Variants in CDC14A observed in about 807,000 individuals in gnomAD.
CDC14A encodes the protein cell division cycle 14A, also known as dual specificity protein phosphatase CDC14A.
CDC14A carries 53 observed loss-of-function variants against 74.4 expected under a neutral mutation model. The ratio of observed to expected loss-of-function variants is 0.71; its 90% confidence interval spans 0.57 to 0.89. The LOEUF is 0.89. Among genes scored for constraint, CDC14A ranks in the 40% least tolerant of loss-of-function variants. CDC14A has a pLI of 0.00. For missense variants in CDC14A, 646 were observed against 713.7 expected, an observed-to-expected ratio of 0.91 and a Z score of 1.08; for synonymous variants, 247 against 258.4, an observed-to-expected ratio of 0.96 and a Z score of 0.43.
Position 100,404,569 on chromosome 1 carries a change from G to A in CDC14A, c.309+13745G>A, listed in dbSNP as rs141729665. Among the ~76,000 whole-genome samples the A allele has an allele frequency of 1.2e-3, 185 of 152,284 alleles. 2 individuals are homozygous for A. The highest frequency in any genetic ancestry group is 5.2e-3 in the South Asian group (25 of 4,820). On this transcript the variant is annotated intron_variant, in intron 4 of 15. Transcript: ENST00000336454. ...TGGGATGGCTGGCGTGGTGTCTCAC[G>A]CCTGTAATCCCAGCACTTTGGGAGG...
chr1:100,485,002 C>T (rs1557813346), intron 11 of CDC14A: 10 of 983,000 alleles, frequency 1.0e-5, no homozygotes, highest in Non-Finnish European at 1.2e-5. Flanking sequence ...AAGGAAATTG[C>T]ATATCAGAGA....
At chr1:100,475,898 C>G (rs1477047818) in intron 10 of CDC14A, among the ~76,000 whole-genome samples, 1 of 152,168 alleles carries the variant, frequency 6.6e-6, no homozygotes, top group African/African-American at 2.4e-5. Flanking sequence ...ATCTCATTAT[C>G]TGACTCCCAA....
chr1:100,487,397 A>G (rs539029071), intron 11 of CDC14A, among the ~76,000 whole-genome samples: 19 of 152,172 alleles, frequency 1.2e-4, no homozygotes, highest in Admixed American at 2.0e-4. Flanking sequence ...CATCTCTACT[A>G]AAAATAGAGA....
At chr1:100,370,053 A>C (rs1348764189) in intron 2 of CDC14A, among the ~76,000 whole-genome samples, 1 of 151,622 alleles carries the variant, frequency 6.6e-6, no homozygotes, top group Non-Finnish European at 1.5e-5. Context: ...GCACCATCAG[A>C]AATCACTGCA....
chr1:100,512,038 A>T (rs995753179), intron 15 of CDC14A, among the ~76,000 whole-genome samples: 2 of 151,958 alleles, frequency 1.3e-5, no homozygotes, highest in African/African-American at 4.8e-5. Flanking sequence ...CTTAAGCCTG[A>T]ACCCTAGCAC....
intron 2 of CDC14A, among the ~76,000 whole-genome samples, chr1:100,355,919 G>C (rs1477081898): frequency 6.6e-6 from 1 of 152,214 alleles, no homozygotes; most frequent in Non-Finnish European, 1.5e-5. Flanking sequence ...AGGCAGGTAG[G>C]GGCACATCTG....
intron 9 of CDC14A, 104 bp downstream of exon 9, chr1:100,462,985 A>G: frequency 1.3e-6 from 1 of 794,462 alleles, no homozygotes; most frequent in Non-Finnish European, 2.0e-6. Flanking sequence ...TAGAAAAACA[A>G]TGAGGTTTTA....
Position 100,420,061 on chromosome 1 carries a change from C to CAA in CDC14A, c.310-4160_310-4159insAA, listed in dbSNP as rs1377818349. On this transcript the variant is annotated intron_variant, in intron 4 of 15. Coordinates refer to ENST00000336454, the MANE Select transcript of CDC14A (RefSeq NM_003672.4). ...ACACACACACACACACACACACACA[C>CAA]ACATATATATATATATATATAGTGT... 1.5e-4 allele frequency among the ~76,000 whole-genome samples: 9 copies of CAA among 61,748 alleles called. 1 individual carries two copies. The highest frequency in any genetic ancestry group is 3.7e-4 in the Non-Finnish European group (9 of 24,618). The allele number at this position is 61,748 out of a possible 152,430, so 40.5% of individuals were successfully genotyped here. A position where few individuals can be genotyped will look rare whatever the true frequency, so the allele number is the denominator to read the frequency against.
intron 4 of CDC14A, among the ~76,000 whole-genome samples, chr1:100,401,028 C>T (rs1054167974): frequency 3.3e-5 from 5 of 152,186 alleles, no homozygotes; most frequent in African/African-American, 7.2e-5. Context: ...TGTATGCTTA[C>T]AGTAATTTAC....
chr1:100,355,057 C>T (rs920197156), intron 2 of CDC14A, among the ~76,000 whole-genome samples: 2 of 152,224 alleles, frequency 1.3e-5, no homozygotes, highest in African/African-American at 2.4e-5. Context: ...TTTGCTGCTG[C>T]TCATGAATGC....
At chr1:100,346,090 G>T (rs894266812) in intron 1 of CDC14A, among the ~76,000 whole-genome samples, 1 of 152,092 alleles carries the variant, frequency 6.6e-6, no homozygotes, top group East Asian at 1.9e-4. Flanking sequence ...AGAATTGCTT[G>T]AGCCCAGGAG....
intron 5 of CDC14A, among the ~76,000 whole-genome samples, chr1:100,436,247 GTTGAGGAAAATCAA>G (rs1664326038): frequency 6.6e-6 from 1 of 152,174 alleles, no homozygotes; most frequent in Admixed American, 6.5e-5. Context: ...ATATTGGTGA[GTTGAGGAAAATCAA>G]CAGGGAAAAT....
At position 100,499,274 on chromosome 1, in the gene CDC14A, G is replaced by A; in HGVS notation, c.1755+12G>A. 6.2e-7 allele frequency: 1 copy of A among 1,614,158 alleles called. No individual in the cohort carries two copies. ...GCCGTTCTATCCCTGTAAGTGCGCA[G>A]ACACCACCTCCTGGTCCTCAGAACC... On this transcript the variant is annotated intron_variant, in intron 15 of 15. Coordinates refer to ENST00000336454, the MANE Select transcript of CDC14A (RefSeq NM_003672.4).
At chr1:100,425,442 A>G (rs1421293218) in intron 5 of CDC14A, among the ~76,000 whole-genome samples, 2 of 152,172 alleles carry the variant, frequency 1.3e-5, no homozygotes, top group Non-Finnish European at 2.9e-5. Context: ...CCAGTGCCTT[A>G]TACTTAAAAG....
At chr1:100,438,839 G>C (rs1400052342) in intron 5 of CDC14A, among the ~76,000 whole-genome samples, 3 of 152,202 alleles carry the variant, frequency 2.0e-5, no homozygotes, top group Non-Finnish European at 4.4e-5. Flanking sequence ...ATACCTTAAA[G>C]CCCTTAAAGG....
At chr1:100,420,031 TAC>T (rs368385925) in intron 4 of CDC14A, among the ~76,000 whole-genome samples, 32 of 82,868 alleles carry the variant, frequency 3.9e-4, no homozygotes, top group South Asian at 1.1e-3. Context: ...TATACATATA[TAC>T]ACACACACAC....
intron 2 of CDC14A, among the ~76,000 whole-genome samples, chr1:100,354,774 G>A (rs1306496685): frequency 6.6e-6 from 1 of 152,204 alleles, no homozygotes; most frequent in Non-Finnish European, 1.5e-5. Context: ...GCAGATAAAT[G>A]AACATAGTTA....
chr1:100,400,363 G>A lies in CDC14A; in HGVS notation c.309+9539G>A, dbSNP rs536597927. Reference sequence around the variant, plus strand: ...ATGTAGGTAAAATTATCAAAAAGTTGGTTCAAAATAATAAAGGCATTTACT... The same window carrying A: ...ATGTAGGTAAAATTATCAAAAAGTTAGTTCAAAATAATAAAGGCATTTACT... On this transcript the variant is annotated intron_variant, in intron 4 of 15. Coordinates refer to ENST00000336454, the MANE Select transcript of CDC14A (RefSeq NM_003672.4). 6.6e-5 allele frequency among the ~76,000 whole-genome samples: 10 copies of A among 152,040 alleles called. No individual in the cohort carries two copies. In the East Asian group the frequency reaches 1.7e-3, roughly 26 times the overall value.
intron 3 of CDC14A, among the ~76,000 whole-genome samples, 186 bp from the exon 4 acceptor site, chr1:100,390,546 G>C (rs2100987015): frequency 6.6e-6 from 1 of 152,258 alleles, no homozygotes; most frequent in East Asian, 1.9e-4. Context: ...CTTACATTAT[G>C]ATTGGGCTGT....
Sources: allele counts gnomAD v4.1 joint callset (sites outside exome capture counted in the v4.1 genomes callset), GRCh38; gene constraint gnomAD v4.1.1; transcripts MANE v1.5; gene names NCBI Gene and HGNC (gene_info 2026-07-23, HGNC 2026-07-21).